The following PRDM15 variants were observed in gnomAD, a reference collection of about 807,000 sequenced individuals.
The protein encoded by PRDM15 is PR domain zinc finger protein 15.
In PRDM15, 64 loss-of-function variants were observed where a neutral mutation model predicts 128.6. The observed-to-expected ratio is 0.50, with a 90% CI of 0.41 to 0.61. The LOEUF is 0.61. PRDM15 is among the 20% of genes least tolerant of loss of function. The pLI is 0.00. For missense variants in PRDM15, 1,242 were observed against 1,569.1 expected (o/e 0.79, Z 3.52); for synonymous variants, 615 against 621.8 (o/e 0.99, Z 0.16).
chr21:41,877,662 C>A (rs1417386311), intron 1 of PRDM15: 1 of 152,222 alleles, frequency 6.6e-6, no homozygotes, highest in Non-Finnish European at 1.5e-5. Context: ...GATATGAGAG[C>A]CACATCCTAA....
chr21:41,805,986 TATCACCACCACCACCACC>T (rs2061556721), intron 21 of PRDM15, among the ~76,000 whole-genome samples: 4 of 9,456 alleles, frequency 4.2e-4, no homozygotes, highest in Non-Finnish European at 7.5e-4. Context: ...CTATCACCAC[TATCACCACCACCACCACC>T]ATCACCACCA....
intron 1 of PRDM15, among the ~76,000 whole-genome samples, chr21:41,870,481 C>T (rs569956917): frequency 3.7e-4 from 56 of 152,194 alleles, no homozygotes; most frequent in East Asian, 2.9e-3. Context: ...AACCCACTAA[C>T]GGAAAAAGCA....
Position 41,838,083 on chromosome 21 carries a change from C to G in PRDM15, c.872-20G>C, listed in dbSNP as rs1429821877. On this transcript the variant is annotated intron_variant, in intron 7 of 23. Transcript: ENST00000398548. ...CTTGCTCTGTACGAAGGGGATGTGACAAGCTAAGTAACCACAAGAGCAGGG... is the reference window on the plus strand; with the variant it reads ...CTTGCTCTGTACGAAGGGGATGTGAGAAGCTAAGTAACCACAAGAGCAGGG... The G allele has an allele frequency of 6.2e-7, 1 of 1,612,706 alleles. No individual in the cohort carries two copies. The highest frequency in any genetic ancestry group is 1.1e-5 in the South Asian group (1 of 91,040).
chr21:41,811,991 G>C lies in PRDM15; in HGVS notation c.2393-1155C>G, dbSNP rs1398467034. On this transcript the variant is annotated intron_variant, in intron 19 of 23. Coordinates refer to ENST00000398548, the MANE Select transcript of PRDM15 (RefSeq NM_001040424.3). The surrounding 1 kb of genome is among the most constrained non-coding windows in gnomAD (Gnocchi z 4.1). ...CCGGCCTTGACTTTTTAAAATATTT[G>C]ATAAGTACTCAGTCAGTCCTGGCTC... is the stretch of plus-strand genomic sequence containing the variant. The C allele has an allele frequency of 1.3e-5, 2 of 152,230 alleles. No homozygotes were observed. The highest frequency in any genetic ancestry group is 4.8e-5 in the African/African-American group (2 of 41,442). 9.4% of individuals were successfully genotyped at this position (152,230 alleles called of 1,614,324 possible). A position where few individuals can be genotyped will look rare whatever the true frequency, so the allele number is the denominator to read the frequency against.
chr21:41,799,077 G>C lies in PRDM15; in HGVS notation c.*2163C>G, dbSNP rs746912145. 3 of 152,038 alleles carry C rather than the reference G, an allele frequency of 2.0e-5. No individual in the cohort carries two copies. The highest frequency in any genetic ancestry group is 4.4e-5 in the Non-Finnish European group (3 of 68,010). The allele number at this position is 152,038 out of a possible 1,614,324, so 9.4% of individuals were successfully genotyped here. The stretch of plus-strand genomic sequence containing the variant: ...TAGGTTCTTTAACAACATTTGATGC[G>C]GTCTTACTCTAGGCACTAAAACAAC... On this transcript the variant is annotated 3_prime_UTR_variant, in exon 24 of 24. Transcript: ENST00000398548.
chr21:41,878,752 C>T, intron 1 of PRDM15: 3 of 1,555,608 alleles, frequency 1.9e-6, no homozygotes, highest in Non-Finnish European at 2.6e-6. Context: ...CCGTGCGACC[C>T]GCATGGGCTG....
chr21:41,867,121 C>G (rs2064036368), intron 1 of PRDM15, among the ~76,000 whole-genome samples: 1 of 151,142 alleles, frequency 6.6e-6, no homozygotes, highest in South Asian at 2.1e-4. Flanking sequence ...ATGCCCGACA[C>G]CCTCAGCCCA....
intron 1 of PRDM15, among the ~76,000 whole-genome samples, chr21:41,864,634 C>G (rs1447138332): frequency 6.6e-6 from 1 of 152,016 alleles, no homozygotes; most frequent in Non-Finnish European, 1.5e-5. Flanking sequence ...GCCCCCCTTA[C>G]TACCTCCCTT....
intron 1 of PRDM15, among the ~76,000 whole-genome samples, chr21:41,876,129 T>C (rs2064405587): frequency 6.6e-6 from 1 of 152,246 alleles, no homozygotes; most frequent in South Asian, 2.1e-4. Flanking sequence ...GCATGGTATA[T>C]GCGGTCCACC....
At chr21:41,836,444 G>A (rs766414910) in intron 9 of PRDM15, 24 bp downstream of exon 9, 69 of 1,596,600 alleles carry the variant, frequency 4.3e-5, no homozygotes, top group South Asian at 1.0e-4. Flanking sequence ...GGCCCCGGGC[G>A]CCAGCCGGGC....
intron 23 of PRDM15, among the ~76,000 whole-genome samples, chr21:41,802,436 GCCTA>G (rs1193860286): frequency 1.3e-5 from 2 of 152,162 alleles, no homozygotes; most frequent in Non-Finnish European, 2.9e-5. Context: ...ACTGCAAACA[GCCTA>G]CCTAATTGCC....
intron 11 of PRDM15, among the ~76,000 whole-genome samples, chr21:41,831,601 C>A (rs2062694308): frequency 1.3e-5 from 2 of 152,338 alleles, no homozygotes; most frequent in South Asian, 4.1e-4. Flanking sequence ...CCGGGAGAGC[C>A]AGGCGCTCTC....
rs780739058 is a variant in PRDM15, at chr21:41,821,168, G to A, written c.1959C>T (p.Gly653=). The change falls in exon 16 of 24, where the codon GGC becomes GGT. Residue 653 remains glycine, a synonymous_variant. Transcript: ENST00000398548. The surrounding 1 kb of genome is among the most constrained non-coding windows in gnomAD (Gnocchi z 5.4). ...GCCGGTTGCAGATGCTGCAGCCATA[G>A]CCCTTCTCCTTGTGCACCTCCATGA... is the stretch of plus-strand genomic sequence containing the variant. ...KHIMEVHKEK[G]YGCSICNRRF... 8 of 1,614,098 alleles carry A rather than the reference G, an allele frequency of 5.0e-6. No individual in the cohort carries two copies. In the East Asian group the frequency reaches 1.6e-4, roughly 31 times the overall value.
rs1214563985 is a variant in PRDM15, at chr21:41,798,242, A to G, written c.*2998T>C. 6.6e-6 allele frequency: 1 copy of G among 152,204 alleles called. No individual in the cohort carries two copies. The highest frequency in any genetic ancestry group is 1.5e-5 in the Non-Finnish European group (1 of 68,058). 9.4% of individuals were successfully genotyped at this position (152,204 alleles called of 1,614,324 possible). A position where few individuals can be genotyped will look rare whatever the true frequency, so the allele number is the denominator to read the frequency against. On this transcript the variant is annotated 3_prime_UTR_variant, in exon 24 of 24. Transcript: ENST00000398548. ...GCCAGCAATTGAAAACACGGGTCAC[A>G]GCACCTTTTATTCGTCATCATACAA...
chr21:41,829,074 CCACA>C (rs1252901496), intron 11 of PRDM15, among the ~76,000 whole-genome samples: 16 of 148,432 alleles, frequency 1.1e-4, no homozygotes, highest in Non-Finnish European at 2.2e-4. Context: ...CATACACACA[CCACA>C]CACACACGCC....
intron 1 of PRDM15, among the ~76,000 whole-genome samples, chr21:41,865,665 C>G (rs534699771): frequency 1.3e-5 from 2 of 152,222 alleles, no homozygotes; most frequent in Non-Finnish European, 2.9e-5. Context: ...TGTGATCCCC[C>G]CAAAAAGCTG....
intron 21 of PRDM15, among the ~76,000 whole-genome samples, chr21:41,805,206 A>G (rs1037770229): frequency 2.6e-5 from 4 of 152,128 alleles, no homozygotes; most frequent in African/African-American, 9.7e-5. Flanking sequence ...AAAGTGAGTG[A>G]CCTTCACCGC....
intron 12 of PRDM15, among the ~76,000 whole-genome samples, chr21:41,826,791 C>T (rs961365999): frequency 2.0e-5 from 3 of 152,210 alleles, no homozygotes; most frequent in Non-Finnish European, 4.4e-5. Context: ...ATGACAGACA[C>T]AGGAGTCTGA....
At chr21:41,802,331 A>G (rs1400728149) in intron 23 of PRDM15, among the ~76,000 whole-genome samples, 2 of 152,168 alleles carry the variant, frequency 1.3e-5, no homozygotes, top group Non-Finnish European at 2.9e-5. Context: ...CACCTTCCAG[A>G]CTGAGGGATC....
Sources: allele counts gnomAD v4.1 joint callset (sites outside exome capture counted in the v4.1 genomes callset), GRCh38; gene constraint gnomAD v4.1.1; non-coding constraint Gnocchi (gnomAD v3.1); transcripts MANE v1.5; gene names NCBI Gene and HGNC (gene_info 2026-07-23, HGNC 2026-07-21).